The following TTLL9 variants were observed in gnomAD, a reference collection of about 807,000 sequenced individuals.
The protein encoded by TTLL9 is tubulin tyrosine ligase like 9, also known as probable tubulin polyglutamylase TTLL9.
A neutral mutation model predicts 65.6 loss-of-function variants in TTLL9; 47 were observed. The observed-to-expected ratio is 0.72, with a 90% CI of 0.57 to 0.91. TTLL9 has a LOEUF of 0.91. Ranked by LOEUF, TTLL9 falls within the 40% of genes least tolerant of loss-of-function variation. The pLI is 0.00. For missense variants in TTLL9, 537 were observed against 568.8 expected (o/e 0.94, Z 0.57); for synonymous variants, 179 against 204.8 (o/e 0.87, Z 1.07).
intron 3 of TTLL9, among the ~76,000 whole-genome samples, chr20:31,888,050 A>T (rs2063225059): frequency 6.6e-6 from 1 of 151,628 alleles, no homozygotes; most frequent in Non-Finnish European, 1.5e-5. Flanking sequence ...GTGACCAGCT[A>T]ATTTTGTATT....
intron 7 of TTLL9, among the ~76,000 whole-genome samples, chr20:31,921,963 A>C (rs576556837): frequency 3.1e-5 from 3 of 98,062 alleles, no homozygotes; most frequent in African/African-American, 1.6e-4. Flanking sequence ...CCTAGAACTT[A>C]AAGTATAATA....
chr20:31,906,212 G>T (rs1459079454), intron 4 of TTLL9, among the ~76,000 whole-genome samples: 3 of 152,160 alleles, frequency 2.0e-5, no homozygotes, highest in African/African-American at 7.2e-5. Context: ...ACTCTTACAG[G>T]ACACAGTGGG....
intron 3 of TTLL9, among the ~76,000 whole-genome samples, chr20:31,896,968 A>G (rs1479435075): frequency 6.6e-6 from 1 of 152,194 alleles, no homozygotes; most frequent in East Asian, 1.9e-4. Flanking sequence ...CTACATTCAT[A>G]AGGGATATTG....
intron 3 of TTLL9, among the ~76,000 whole-genome samples, chr20:31,889,994 CT>C (rs1206143039): frequency 7.4e-6 from 1 of 135,236 alleles, no homozygotes; most frequent in Admixed American, 7.4e-5. Flanking sequence ...TTCTTTCTTT[CT>C]TTCTTTCTTT....
Position 31,939,262 on chromosome 20 carries a change from T to G in TTLL9, c.1239T>G (p.His413Gln). The G allele has an allele frequency of 1.2e-6, 2 of 1,612,740 alleles. No individual in the cohort carries two copies. Among genetic ancestry groups the G allele is most frequent in the South Asian group, 2.2e-5 (2 of 91,006 alleles). Reference protein sequence around the residue: ...SGMGNFVTNTHLGCVNDRKKQ... With the variant: ...SGMGNFVTNTQLGCVNDRKKQ... ...TGGGAAACTTTGTGACCAACACACATCTCGGTATGTAGGGCCAGGTGGGGA... is the reference window on the plus strand; with the variant it reads ...TGGGAAACTTTGTGACCAACACACAGCTCGGTATGTAGGGCCAGGTGGGGA... Residue 413 changes from histidine to glutamine, a missense_variant, in exon 14 of 15, where the codon CAT becomes CAG. Transcript: ENST00000535842.
At chr20:31,893,223 C>G (rs1250161492) in intron 3 of TTLL9, among the ~76,000 whole-genome samples, 1 of 151,136 alleles carries the variant, frequency 6.6e-6, no homozygotes, top group Non-Finnish European at 1.5e-5. Context: ...TCTTTAAGCA[C>G]TTGAAAGATG....
Position 31,943,028 on chromosome 20 carries a change from G to C in TTLL9, c.*7G>C. On this transcript the variant is annotated 3_prime_UTR_variant, in exon 15 of 15. Transcript: ENST00000535842. ...GAAGAAAGCTTCCAGTTGATCCCCAGCTGCCAGGAGGAAATCAGCCTTAGC... is the reference window on the plus strand; with the variant it reads ...GAAGAAAGCTTCCAGTTGATCCCCACCTGCCAGGAGGAAATCAGCCTTAGC... 1 of 1,613,710 alleles carries C rather than the reference G, an allele frequency of 6.2e-7. No individual in the cohort carries two copies. Among genetic ancestry groups the C allele is most frequent in the Non-Finnish European group, 8.5e-7 (1 of 1,179,940 alleles).
Position 31,942,958 on chromosome 20 carries a change from T to A in TTLL9, c.1257T>A (p.Asp419Glu). 1 of 1,614,102 alleles carries A rather than the reference T, an allele frequency of 6.2e-7. No individual in the cohort carries two copies. ...VTNTHLGCVN[D>E]RKKQLRQLFC... is the part of the protein sequence containing the mutation. ...CTTCCTTTCCAGGCTGCGTCAACGATCGGAAGAAACAACTGAGGCAGCTCT... is the reference window on the plus strand; with the variant it reads ...CTTCCTTTCCAGGCTGCGTCAACGAACGGAAGAAACAACTGAGGCAGCTCT... Residue 419 changes from aspartate (D) to glutamate (E), a missense_variant, in exon 15 of 15, where the codon GAT becomes GAA. Transcript: ENST00000535842.
At chr20:31,926,892 G>A (rs1472562238) in intron 10 of TTLL9, among the ~76,000 whole-genome samples, 3 of 151,870 alleles carry the variant, frequency 2.0e-5, no homozygotes, top group Non-Finnish European at 4.4e-5. Context: ...ATCACTTGAG[G>A]CCAGGAGTTC....
Position 31,874,409 on chromosome 20 carries a change from C to CTTT in TTLL9, c.69+3232_69+3234dup, listed in dbSNP as rs34362219. ...GAATTAAAGTTGCTAATTAGCTGAT[C>CTTT]TTTTTTTTTTTTTTTTTTTTGAGAC... On this transcript the variant is annotated intron_variant, in intron 2 of 14. Coordinates refer to ENST00000535842, the MANE Select transcript of TTLL9 (RefSeq NM_001008409.5). 3.6e-4 allele frequency among the ~76,000 whole-genome samples: 44 copies of CTTT among 123,020 alleles called. 1 individual carries two copies. Among genetic ancestry groups the CTTT allele is most frequent in the African/African-American group, 5.6e-4 (18 of 32,218 alleles). The allele number at this position is 123,020 out of a possible 152,430, so 80.7% of individuals were successfully genotyped here.
intron 4 of TTLL9, among the ~76,000 whole-genome samples, chr20:31,899,387 T>C (rs144187689): frequency 6.6e-6 from 1 of 152,260 alleles, no homozygotes; most frequent in African/African-American, 2.4e-5. Context: ...TCCAGCACTT[T>C]GGGAGGCCAA....
intron 4 of TTLL9, among the ~76,000 whole-genome samples, chr20:31,903,837 G>T (rs1285561948): frequency 6.6e-6 from 1 of 152,170 alleles, no homozygotes; most frequent in Admixed American, 6.5e-5. Flanking sequence ...CATTAACATT[G>T]ATATATTACT....
intron 11 of TTLL9, chr20:31,934,332 CAGTGGGGCCCTTGTGCAT>C: frequency 1.9e-6 from 1 of 519,080 alleles, no homozygotes; most frequent in Non-Finnish European, 3.7e-6. Context: ...CTCCATCCCA[CAGTGGGGCCCTTGTGCAT>C]ACACAGCCCT....
Position 31,943,921 on chromosome 20 carries a change from CG to C in TTLL9, c.*904del, listed in dbSNP as rs1201380840. ...GTTTAAGAGGGGTTGCAACAAGACT[CG>C]GGGCTGTTGGGGTAACTGTTCCAGG... On this transcript the variant is annotated 3_prime_UTR_variant, in exon 15 of 15. Transcript: ENST00000535842. 2 of 439,792 alleles carry C rather than the reference CG, an allele frequency of 4.5e-6. No homozygotes were observed. The highest frequency in any genetic ancestry group is 4.0e-5 in the African/African-American group (2 of 49,802). 27.2% of individuals were successfully genotyped at this position (439,792 alleles called of 1,614,324 possible).
chr20:31,871,373 C>T (rs1210705034), intron 2 of TTLL9, among the ~76,000 whole-genome samples, 178 bp downstream of exon 2: 1 of 152,188 alleles, frequency 6.6e-6, no homozygotes, highest in Admixed American at 6.5e-5. Context: ...CCAGCTAACC[C>T]TATCTGTGTT....
intron 10 of TTLL9, among the ~76,000 whole-genome samples, chr20:31,929,808 A>G (rs969776191): frequency 1.3e-5 from 2 of 152,232 alleles, no homozygotes; most frequent in African/African-American, 4.8e-5. Flanking sequence ...CCATCTGGCC[A>G]GATTGCTTCC....
chr20:31,897,959 A>G (rs2063409678), intron 3 of TTLL9, among the ~76,000 whole-genome samples: 2 of 152,078 alleles, frequency 1.3e-5, no homozygotes, highest in South Asian at 4.2e-4. Flanking sequence ...GTGGCTTTTC[A>G]TCTCCATATC....
intron 4 of TTLL9, chr20:31,901,388 G>A (rs1396523548): frequency 6.6e-6 from 1 of 152,192 alleles, no homozygotes; most frequent in Non-Finnish European, 1.5e-5. Flanking sequence ...ATTTATGATG[G>A]TCGGAGACTG....
At position 31,934,737 on chromosome 20, in the gene TTLL9, A is replaced by G. The variant is rs2064079914; in HGVS notation, c.853A>G (p.Lys285Glu). The G allele has an allele frequency of 6.2e-7, 1 of 1,612,548 alleles. No individual in the cohort carries two copies. Among genetic ancestry groups the G allele is most frequent in the African/African-American group, 1.3e-5 (1 of 74,906 alleles). Residue 285 changes from lysine to glutamate, a missense_variant, in exon 12 of 15, where the codon AAA becomes GAA. By Grantham distance (56) the Lys-to-Glu change is moderately conservative. Coordinates refer to ENST00000535842, the MANE Select transcript of TTLL9 (RefSeq NM_001008409.5). ...LQRFRQYLAS[K>E]HGPEAVETLF... ...GCGCTTCCGGCAGTACCTGGCGTCC[A>G]AACACGGGCCCGAGGCAGTGGAGAC... is the stretch of plus-strand genomic sequence containing the variant.
Sources: gnomAD v4.1 joint callset for allele counts (sites outside exome capture counted in the v4.1 genomes callset) on GRCh38, gnomAD v4.1.1 for gene constraint, MANE v1.5 for transcripts, NCBI Gene and HGNC (gene_info 2026-07-23, HGNC 2026-07-21) for gene names.